Variants in MRTFA observed in about 807,000 individuals in gnomAD.
MRTFA encodes the protein myocardin-related transcription factor A.
MRTFA carries 20 observed loss-of-function variants against 83.5 expected under a neutral mutation model. That is an observed-to-expected ratio of 0.24 (90% CI 0.17 to 0.35). MRTFA has a LOEUF of 0.35. Ranked by LOEUF, MRTFA falls within the 10% of genes least tolerant of loss-of-function variation. MRTFA has a pLI of 1.00. For missense variants in MRTFA, 1,200 were observed against 1,224.7 expected (o/e 0.98, Z 0.30); for synonymous variants, 659 against 541.2 (o/e 1.22, Z -3.02).
chr22:40,575,887 T>A (rs560032427), intron 2 of MRTFA, among the ~76,000 whole-genome samples: 20 of 152,290 alleles, frequency 1.3e-4, no homozygotes. Flanking sequence ...AGTGACATAC[T>A]ACATGAGAAG....
At chr22:40,414,271 A>G (rs543394538) in intron 14 of MRTFA, among the ~76,000 whole-genome samples, 1 of 152,328 alleles carries the variant, frequency 6.6e-6, no homozygotes, top group South Asian at 2.1e-4. Flanking sequence ...TGAACCCCAG[A>G]GGCAGAGGTT....
chr22:40,602,507 G>A (rs1050391607), intron 1 of MRTFA, among the ~76,000 whole-genome samples: 1 of 152,082 alleles, frequency 6.6e-6, no homozygotes, highest in Non-Finnish European at 1.5e-5. Context: ...AGCAGGGCTA[G>A]GACTTGTAGC....
chr22:40,550,843 TTC>T (rs2055432912), intron 3 of MRTFA, among the ~76,000 whole-genome samples: 1 of 74,584 alleles, frequency 1.3e-5, no homozygotes, highest in Non-Finnish European at 3.5e-5. Context: ...TATCCATTTT[TTC>T]TTTTTTCTTT....
chr22:40,499,091 G>A (rs1421063966), intron 3 of MRTFA, among the ~76,000 whole-genome samples: 1 of 152,096 alleles, frequency 6.6e-6, no homozygotes, highest in African/African-American at 2.4e-5. Context: ...AAAAGGGAAA[G>A]AAAGGTATAA....
intron 4 of MRTFA, among the ~76,000 whole-genome samples, chr22:40,449,307 G>C (rs2053444959): frequency 6.6e-6 from 1 of 151,484 alleles, no homozygotes; most frequent in Non-Finnish European, 1.5e-5. Context: ...GAAAAGAACG[G>C]AAATTTGCCA....
chr22:40,527,376 A>G (rs1372616099), intron 3 of MRTFA, among the ~76,000 whole-genome samples: 2 of 152,018 alleles, frequency 1.3e-5, no homozygotes, highest in Non-Finnish European at 2.9e-5. Context: ...AAGGCAAAGA[A>G]AGTGGAGTTT....
intron 3 of MRTFA, among the ~76,000 whole-genome samples, chr22:40,532,522 T>C (rs371732339): frequency 1.3e-5 from 2 of 152,194 alleles, no homozygotes; most frequent in Non-Finnish European, 2.9e-5. Flanking sequence ...CTGAAACACA[T>C]AGCCTATATG....
chr22:40,631,180 AG>A (rs1347852023), intron 1 of MRTFA, among the ~76,000 whole-genome samples: 1 of 152,220 alleles, frequency 6.6e-6, no homozygotes, highest in Non-Finnish European at 1.5e-5. Context: ...TACTTGACAT[AG>A]AAAAATTGAT....
chr22:40,537,782 C>CT (rs2055209924), intron 3 of MRTFA, among the ~76,000 whole-genome samples: 1 of 31,186 alleles, frequency 3.2e-5, no homozygotes, highest in Non-Finnish European at 6.0e-5. Flanking sequence ...GGGTCAGCCC[C>CT]CCGCCTGGCC....
chr22:40,423,617 C>A lies in MRTFA; in HGVS notation c.846G>T (p.Leu282=). ...TGGGAGGCAGCAGAGGTGGGGGAGG[C>A]AGAGGAGGCTGCTCTGCCAGGAAAA... The change falls in exon 9 of 15, where the codon CTG becomes CTT. Residue 282 remains leucine, a synonymous_variant. Transcript: ENST00000355630. 3 of 1,598,586 alleles carry A rather than the reference C, an allele frequency of 1.9e-6. No homozygotes were observed. Among genetic ancestry groups the A allele is most frequent in the South Asian group, 1.1e-5 (1 of 88,702 alleles).
At chr22:40,476,274 A>G (rs1306782158) in intron 3 of MRTFA, among the ~76,000 whole-genome samples, 1 of 152,060 alleles carries the variant, frequency 6.6e-6, no homozygotes, top group East Asian at 1.9e-4. Context: ...ATATGCGCCC[A>G]CGAGTCTGTC....
intron 7 of MRTFA, among the ~76,000 whole-genome samples, chr22:40,424,890 T>C (rs1345918341): frequency 6.6e-6 from 1 of 152,016 alleles, no homozygotes; most frequent in Non-Finnish European, 1.5e-5. Flanking sequence ...AACAGCCCTG[T>C]GAGTGTAGCT....
chr22:40,528,990 T>A (rs184148151), intron 3 of MRTFA, among the ~76,000 whole-genome samples: 5 of 152,252 alleles, frequency 3.3e-5, no homozygotes, highest in Admixed American at 6.5e-5. Context: ...CATTAAGAGA[T>A]CCAAAAAGTA....
At chr22:40,630,088 G>A (rs993545277) in intron 1 of MRTFA, among the ~76,000 whole-genome samples, 2 of 151,982 alleles carry the variant, frequency 1.3e-5, no homozygotes, top group African/African-American at 4.8e-5. Context: ...CAAGGCAGGC[G>A]GATCACCTGA....
intron 7 of MRTFA, among the ~76,000 whole-genome samples, chr22:40,424,725 C>T (rs74864345): frequency 2.1e-4 from 32 of 152,286 alleles, no homozygotes; most frequent in African/African-American, 7.0e-4. Flanking sequence ...CTGGGAGACC[C>T]GGGCTACCTT....
chr22:40,576,451 C>T (rs1431641567), intron 2 of MRTFA, among the ~76,000 whole-genome samples: 1 of 152,146 alleles, frequency 6.6e-6, no homozygotes, highest in Admixed American at 6.5e-5. Flanking sequence ...TAAGTGAATG[C>T]TGATAATCCT....
chr22:40,439,504 C>CA (rs756033541), intron 4 of MRTFA, among the ~76,000 whole-genome samples: 2,526 of 31,968 alleles, frequency 0.079, 285 homozygotes, highest in Non-Finnish European at 0.12. Flanking sequence ...GACTCTGTCT[C>CA]AAAAAAAAAA....
At chr22:40,567,849 A>C (rs2055728673) in intron 2 of MRTFA, among the ~76,000 whole-genome samples, 1 of 152,226 alleles carries the variant, frequency 6.6e-6, no homozygotes, top group Non-Finnish European at 1.5e-5. Context: ...CCTATTTTCC[A>C]GTGCCAGAAG....
At chr22:40,574,265 T>C (rs1198043072) in intron 2 of MRTFA, among the ~76,000 whole-genome samples, 1 of 152,126 alleles carries the variant, frequency 6.6e-6, no homozygotes, top group Non-Finnish European at 1.5e-5. Context: ...GCCCTCTGTA[T>C]CCATTGGTTC....
Sources: gnomAD v4.1 joint callset for allele counts (sites outside exome capture counted in the v4.1 genomes callset) on GRCh38, gnomAD v4.1.1 for gene constraint, MANE v1.5 for transcripts, NCBI Gene and HGNC (gene_info 2026-07-23, HGNC 2026-07-21) for gene names.